PARD3: variants seen among roughly 807,000 people sequenced by gnomAD.
The protein encoded by PARD3 is partitioning defective 3 homolog.
A neutral mutation model predicts 155.4 loss-of-function variants in PARD3; 75 were observed. The observed-to-expected ratio is 0.48, with a 90% CI of 0.40 to 0.58. The LOEUF is 0.58. Ranked by LOEUF, PARD3 falls within the 20% of genes least tolerant of loss-of-function variation. The pLI, the probability that PARD3 is intolerant of heterozygous loss-of-function variation, is 0.00. For synonymous variants in PARD3, 576 were observed against 610.5 expected (o/e 0.94, Z 0.83); for missense variants, 1,642 against 1,721.7 (o/e 0.95, Z 0.82).
intron 3 of PARD3, among the ~76,000 whole-genome samples, chr10:34,484,227 C>A (rs2079285884): frequency 6.6e-6 from 1 of 152,198 alleles, no homozygotes; most frequent in Non-Finnish European, 1.5e-5. Context: ...TGTTTGCCAT[C>A]CAACACATGT....
intron 22 of PARD3, among the ~76,000 whole-genome samples, chr10:34,188,217 A>G (rs1295581982): frequency 2.0e-5 from 3 of 152,176 alleles, no homozygotes; most frequent in Admixed American, 1.3e-4. Flanking sequence ...TGGAAGATTC[A>G]TTGTCTTTTG....
intron 22 of PARD3, among the ~76,000 whole-genome samples, chr10:34,169,020 G>A (rs1361067708): frequency 1.3e-5 from 2 of 152,176 alleles, no homozygotes; most frequent in Admixed American, 6.6e-5. Context: ...TCTGCATCTT[G>A]CTTTTGCACA....
intron 5 of PARD3, among the ~76,000 whole-genome samples, chr10:34,438,586 T>A (rs1438197380): frequency 6.6e-6 from 1 of 152,164 alleles, no homozygotes; most frequent in Non-Finnish European, 1.5e-5. Flanking sequence ...AGTAGGGACA[T>A]TATGAACTTT....
intron 22 of PARD3, among the ~76,000 whole-genome samples, chr10:34,184,284 C>T (rs963376054): frequency 6.6e-6 from 1 of 152,164 alleles, no homozygotes; most frequent in Non-Finnish European, 1.5e-5. Flanking sequence ...AGGTTTGTTT[C>T]CCACACAGTC....
intron 21 of PARD3, among the ~76,000 whole-genome samples, chr10:34,279,442 T>C (rs1956059845): frequency 6.6e-6 from 1 of 152,300 alleles, no homozygotes; most frequent in Admixed American, 6.5e-5. Flanking sequence ...TGATTAGAAT[T>C]GACTTTTCTA....
At chr10:34,550,786 A>G (rs1335582631) in intron 2 of PARD3, among the ~76,000 whole-genome samples, 1 of 152,226 alleles carries the variant, frequency 6.6e-6, no homozygotes, top group Non-Finnish European at 1.5e-5. Context: ...GCATGATATT[A>G]AAAGACTTCA....
chr10:34,169,440 T>G (rs369293790), intron 22 of PARD3, among the ~76,000 whole-genome samples: 6 of 152,192 alleles, frequency 3.9e-5, no homozygotes, highest in African/African-American at 1.4e-4. Flanking sequence ...ATCTCTTAGT[T>G]TTACTGACAA....
intron 7 of PARD3, among the ~76,000 whole-genome samples, chr10:34,390,903 T>G (rs1374542017): frequency 6.6e-6 from 1 of 152,220 alleles, no homozygotes; most frequent in Non-Finnish European, 1.5e-5. Context: ...TCATCTTTCC[T>G]TTCCAGCGAA....
chr10:34,678,750 T>C (rs2093757743), intron 2 of PARD3, among the ~76,000 whole-genome samples: 2 of 152,008 alleles, frequency 1.3e-5, no homozygotes, highest in Admixed American at 1.3e-4. Context: ...GGAAACTTTT[T>C]CAAAATAATA....
At chr10:34,145,601 G>A (rs1292963951) in intron 22 of PARD3, among the ~76,000 whole-genome samples, 1 of 151,882 alleles carries the variant, frequency 6.6e-6, no homozygotes, top group Non-Finnish European at 1.5e-5. Context: ...TTTTCTAAGA[G>A]TTCTTTCCCA....
At chr10:34,741,030 T>C (rs908389025) in intron 1 of PARD3, among the ~76,000 whole-genome samples, 4 of 152,148 alleles carry the variant, frequency 2.6e-5, no homozygotes, top group African/African-American at 9.7e-5. Flanking sequence ...ACAAATATTA[T>C]AGCTAATTGG....
intron 22 of PARD3, among the ~76,000 whole-genome samples, chr10:34,251,604 TATC>T (rs1954311280): frequency 6.6e-6 from 1 of 152,202 alleles, no homozygotes; most frequent in Non-Finnish European, 1.5e-5. Context: ...CATCTTACCT[TATC>T]ATCTTATGGT....
At chr10:34,276,121 C>T (rs1395673726) in intron 21 of PARD3, among the ~76,000 whole-genome samples, 1 of 152,068 alleles carries the variant, frequency 6.6e-6, no homozygotes. Flanking sequence ...ATACTGTTTC[C>T]TATCCTTGAA....
intron 2 of PARD3, among the ~76,000 whole-genome samples, chr10:34,599,012 C>T (rs1460366347): frequency 1.3e-5 from 2 of 152,068 alleles, no homozygotes; most frequent in South Asian, 2.1e-4. Context: ...AATATCCCTG[C>T]GCCTTCCCCT....
chr10:34,745,404 AGGAAAGAGAGGGAGGAAGGGAGGGAG>A (rs1414915782), intron 1 of PARD3, among the ~76,000 whole-genome samples: 1 of 147,432 alleles, frequency 6.8e-6, no homozygotes, highest in Non-Finnish European at 1.5e-5. Context: ...AAGGAAAGGA[AGGAAAGAGAGGGAGGAAGGGAGGGAG>A]GGAAAGAGAG....
intron 16 of PARD3, among the ~76,000 whole-genome samples, chr10:34,340,132 C>A (rs7922046): frequency 0.49 from 74,194 of 152,008 alleles, 18,314 homozygotes; most frequent in African/African-American, 0.54. Flanking sequence ...GCAAAATTAT[C>A]CAAGTCCTCA....
intron 21 of PARD3, 42 bp downstream of exon 21, chr10:34,284,093 A>G: frequency 1.9e-6 from 2 of 1,053,270 alleles, no homozygotes; most frequent in Non-Finnish European, 2.8e-6. Flanking sequence ...AAAAAAAAAG[A>G]ACCTCTTTCT....
chr10:34,185,734 G>C (rs983575087), intron 22 of PARD3, among the ~76,000 whole-genome samples: 1 of 151,582 alleles, frequency 6.6e-6, no homozygotes. Context: ...TTCTGAACTA[G>C]AGCAGTTACA....
rs1054398605 is a variant in PARD3, at chr10:34,464,734, C to T, written c.582+5351G>A. On this transcript the variant is annotated intron_variant, in intron 4 of 24. Coordinates refer to ENST00000374788, the MANE Select transcript of PARD3 (RefSeq NM_001184785.2). ...CATATTTATGAGGCATAGGAAAATT[C>T]TCTCAATACAGCAGAAATTGGAAAC... Among the ~76,000 whole-genome samples, 18 of 152,202 alleles carry T rather than the reference C, an allele frequency of 1.2e-4. No individual in the cohort carries two copies. The South Asian group carries it at 1.9e-3, about 16-fold the overall frequency.
Sources: gnomAD v4.1 joint callset for allele counts (sites outside exome capture counted in the v4.1 genomes callset) on GRCh38, gnomAD v4.1.1 for gene constraint, MANE v1.5 for transcripts, NCBI Gene and HGNC (gene_info 2026-07-23, HGNC 2026-07-21) for gene names.